ARHGEF38: variants seen among roughly 807,000 people sequenced by gnomAD.
ARHGEF38 encodes Rho guanine nucleotide exchange factor (GEF) 38.
In ARHGEF38, 79 loss-of-function variants were observed where a neutral mutation model predicts 79.9. That is an observed-to-expected ratio of 0.99 (90% confidence interval 0.82 to 1.19). The LOEUF (loss-of-function observed/expected upper bound fraction) is 1.19. Among genes scored for constraint, ARHGEF38 ranks in the 50% most tolerant of loss-of-function variants. The probability of loss-of-function intolerance (pLI) is 0.00; values close to 1 mark genes in which losing one functional copy is unlikely to be tolerated. For missense variants in ARHGEF38, 962 were observed against 907.2 expected (o/e 1.06, Z -0.78); for synonymous variants, 366 against 328.3 (o/e 1.11, Z -1.24).
At chr4:105,628,040 A>T (rs1242806382) in intron 3 of ARHGEF38, among the ~76,000 whole-genome samples, 2 of 152,188 alleles carry the variant, frequency 1.3e-5, no homozygotes, top group Non-Finnish European at 2.9e-5. Flanking sequence ...TAAAAAAAAA[A>T]AAGATTCTTC....
intron 5 of ARHGEF38, among the ~76,000 whole-genome samples, chr4:105,641,321 T>C (rs1317571718): frequency 6.6e-6 from 1 of 152,136 alleles, no homozygotes; most frequent in African/African-American, 2.4e-5. Flanking sequence ...TGATTAACAT[T>C]TGCAAAATGA....
intron 1 of ARHGEF38, among the ~76,000 whole-genome samples, chr4:105,577,371 G>A (rs761571615): frequency 2.0e-5 from 3 of 150,304 alleles, no homozygotes; most frequent in Non-Finnish European, 3.0e-5. Context: ...TTGTTCTTGC[G>A]ATAGTCTTTT....
chr4:105,661,316 C>T (rs10461140), intron 10 of ARHGEF38, among the ~76,000 whole-genome samples: 147,165 of 152,058 alleles, frequency 0.97, 71,233 homozygotes, highest in East Asian at 1. Flanking sequence ...ATATATGTTC[C>T]CATTTCTGTT....
At chr4:105,559,352 G>C (rs1200732789) in intron 1 of ARHGEF38, among the ~76,000 whole-genome samples, 2 of 152,116 alleles carry the variant, frequency 1.3e-5, no homozygotes, top group African/African-American at 4.8e-5. Context: ...GCAGACTGTG[G>C]TTGCTGGTGT....
chr4:105,589,226 T>C (rs370131286), intron 1 of ARHGEF38, 22 bp from the exon 2 acceptor site: 8 of 1,595,186 alleles, frequency 5.0e-6, no homozygotes, highest in Non-Finnish European at 6.8e-6. Context: ...ATGCCTCACC[T>C]GTATATGTTT....
intron 3 of ARHGEF38, among the ~76,000 whole-genome samples, chr4:105,625,400 A>G (rs758021356): frequency 2.0e-5 from 3 of 152,216 alleles, no homozygotes; most frequent in Non-Finnish European, 4.4e-5. Flanking sequence ...TACTAGCATA[A>G]TAAGACAGAT....
intron 2 of ARHGEF38, among the ~76,000 whole-genome samples, chr4:105,592,660 A>G (rs1273781149): frequency 6.6e-6 from 1 of 152,012 alleles, no homozygotes; most frequent in Non-Finnish European, 1.5e-5. Context: ...ATTCATGACC[A>G]CTTTCTACTG....
chr4:105,617,095 A>C (rs909035678), intron 3 of ARHGEF38, among the ~76,000 whole-genome samples: 5 of 152,260 alleles, frequency 3.3e-5, no homozygotes, highest in Non-Finnish European at 7.3e-5. Context: ...TGAATCGAAT[A>C]ATAGTTTCAA....
At chr4:105,560,129 C>A (rs1043101163) in intron 1 of ARHGEF38, among the ~76,000 whole-genome samples, 1 of 152,160 alleles carries the variant, frequency 6.6e-6, no homozygotes, top group African/African-American at 2.4e-5. Context: ...TCTCTGCTAC[C>A]ATAATAAAGC....
intron 2 of ARHGEF38, among the ~76,000 whole-genome samples, chr4:105,590,070 AGAAAGAAGGAAGGAAGGAAG>A (rs1157571236): frequency 2.5e-5 from 3 of 122,378 alleles, no homozygotes; most frequent in Non-Finnish European, 3.5e-5. Flanking sequence ...AGAAAAAGAA[AGAAAGAAGGAAGGAAGGAAG>A]GAAGGAAGGA....
intron 1 of ARHGEF38, among the ~76,000 whole-genome samples, chr4:105,567,550 G>A (rs1319718464): frequency 6.6e-6 from 1 of 152,170 alleles, no homozygotes. Context: ...TATGCCCCTT[G>A]ATTGTTAAGT....
chr4:105,577,695 G>T (rs1352913571), intron 1 of ARHGEF38, among the ~76,000 whole-genome samples: 3 of 151,982 alleles, frequency 2.0e-5, no homozygotes, highest in African/African-American at 7.3e-5. Flanking sequence ...ATTTCCTATA[G>T]GTTTTCTAGT....
chr4:105,630,686 G>A (rs892674179), intron 3 of ARHGEF38, among the ~76,000 whole-genome samples: 1 of 151,964 alleles, frequency 6.6e-6, no homozygotes, highest in African/African-American at 2.4e-5. Flanking sequence ...GACAGAAAAA[G>A]AGAAGGAGCA....
chr4:105,572,108 C>G (rs1726266128), intron 1 of ARHGEF38, among the ~76,000 whole-genome samples: 1 of 152,128 alleles, frequency 6.6e-6, no homozygotes, highest in Non-Finnish European at 1.5e-5. Context: ...ACCTACCTTT[C>G]TATGTGATTT....
intron 1 of ARHGEF38, among the ~76,000 whole-genome samples, chr4:105,571,203 A>G (rs901799259): frequency 2.0e-5 from 3 of 152,218 alleles, no homozygotes; most frequent in Non-Finnish European, 4.4e-5. Context: ...CTACAATGAA[A>G]AAGTTGGAGA....
At chr4:105,657,497 C>T (rs1730382050) in intron 9 of ARHGEF38, among the ~76,000 whole-genome samples, 1 of 152,248 alleles carries the variant, frequency 6.6e-6, no homozygotes, top group South Asian at 2.1e-4. Flanking sequence ...TACATATCTA[C>T]ACTTTTTTAG....
At chr4:105,605,267 T>G (rs1727990661) in intron 2 of ARHGEF38, among the ~76,000 whole-genome samples, 1 of 152,172 alleles carries the variant, frequency 6.6e-6, no homozygotes, top group South Asian at 2.1e-4. Context: ...ACAAATTTTC[T>G]GTTGGACTTT....
At chr4:105,610,895 T>C (rs1370469502) in intron 2 of ARHGEF38, among the ~76,000 whole-genome samples, 4 of 151,824 alleles carry the variant, frequency 2.6e-5, no homozygotes, top group Non-Finnish European at 1.5e-5. Flanking sequence ...ATTGTAGGAG[T>C]GACAAATTGG....
Position 105,680,397 on chromosome 4 carries a change from G to A in ARHGEF38, c.*2460G>A, listed in dbSNP as rs746857067. The A allele has an allele frequency of 3.3e-5, 7 of 214,018 alleles. No individual in the cohort carries two copies. The highest frequency in any genetic ancestry group is 6.6e-5 in the Non-Finnish European group (7 of 105,970). The allele number at this position is 214,018 out of a possible 1,614,324, so 13.3% of individuals were successfully genotyped here. On this transcript the variant is annotated 3_prime_UTR_variant, in exon 14 of 14. Transcript: ENST00000420470. Reference sequence around the variant, plus strand: ...CAGTAAGTATTTATTGAGAGTTAGTGGGAATACAATGCTGTGCAAGACAAA... The same window carrying A: ...CAGTAAGTATTTATTGAGAGTTAGTAGGAATACAATGCTGTGCAAGACAAA...
Sources: gnomAD v4.1 joint callset for allele counts (sites outside exome capture counted in the v4.1 genomes callset) on GRCh38, gnomAD v4.1.1 for gene constraint, MANE v1.5 for transcripts, NCBI Gene and HGNC (gene_info 2026-07-23, HGNC 2026-07-21) for gene names.